Variants in CSMD1 observed in about 807,000 individuals in gnomAD.
CSMD1 encodes the protein CUB and sushi domain-containing protein 1.
Under a neutral mutation model 417.5 loss-of-function variants are expected in CSMD1, and 213 were observed. That is an observed-to-expected ratio of 0.51 (90% CI 0.46 to 0.57). The LOEUF (loss-of-function observed/expected upper bound fraction) is 0.57, where lower values mean the gene tolerates loss of function less well. Among genes scored for constraint, CSMD1 ranks in the 20% least tolerant of loss-of-function variants. The pLI, the probability that CSMD1 is intolerant of heterozygous loss-of-function variation, is 0.00. For synonymous variants in CSMD1, 2,862 were observed against 1,736.8 expected (o/e 1.65, Z -16.11); for missense variants, 6,923 against 4,529.7 (o/e 1.53, Z -15.17).
intron 2 of CSMD1, among the ~76,000 whole-genome samples, chr8:4,465,385 G>C (rs1159646739): frequency 6.6e-6 from 1 of 152,126 alleles, no homozygotes; most frequent in Non-Finnish European, 1.5e-5. Context: ...AGAAAACATG[G>C]TTTGAAAGTC....
At chr8:3,581,760 A>G (rs957291296) in intron 9 of CSMD1, among the ~76,000 whole-genome samples, 2 of 152,210 alleles carry the variant, frequency 1.3e-5, no homozygotes, top group Non-Finnish European at 2.9e-5. Flanking sequence ...TTTAGAGGCT[A>G]AGAATGAATC....
intron 26 of CSMD1, among the ~76,000 whole-genome samples, chr8:3,276,090 T>G (rs1802267640): frequency 2.0e-5 from 3 of 152,166 alleles, no homozygotes; most frequent in Admixed American, 6.5e-5. Flanking sequence ...ATGCTGTTGA[T>G]GTACAGATGG....
At chr8:3,109,157 C>T (rs1198497888) in intron 43 of CSMD1, among the ~76,000 whole-genome samples, 4 of 152,164 alleles carry the variant, frequency 2.6e-5, no homozygotes, top group African/African-American at 7.2e-5. Flanking sequence ...CCCAGCTACT[C>T]GGCAGGCTAA....
intron 7 of CSMD1, among the ~76,000 whole-genome samples, chr8:3,621,516 A>G (rs1216408017): frequency 6.6e-6 from 1 of 152,134 alleles, no homozygotes; most frequent in African/African-American, 2.4e-5. Context: ...TACAGAGATG[A>G]ATAGTGGTGA....
At chr8:2,961,257 G>A in intron 61 of CSMD1, 43 bp from the exon 62 acceptor site, 1 of 1,262,596 alleles carries the variant, frequency 7.9e-7, no homozygotes, top group Non-Finnish European at 1.1e-6. Context: ...ACCAGATATA[G>A]TTATTGTGAG....
intron 4 of CSMD1, among the ~76,000 whole-genome samples, chr8:4,002,238 CGTGT>C (rs1414853901): frequency 2.0e-5 from 3 of 151,656 alleles, no homozygotes; most frequent in Non-Finnish European, 4.4e-5. Flanking sequence ...CATGTGTGTG[CGTGT>C]GTTTGTGTGT....
intron 1 of CSMD1, among the ~76,000 whole-genome samples, chr8:4,642,048 G>T (rs1314077076): frequency 6.6e-6 from 1 of 152,198 alleles, no homozygotes; most frequent in Non-Finnish European, 1.5e-5. Flanking sequence ...GAACCAGTAA[G>T]AACTGACCTA....
chr8:4,901,555 AG>A (rs1214407855), intron 1 of CSMD1, among the ~76,000 whole-genome samples: 2 of 151,934 alleles, frequency 1.3e-5, no homozygotes, highest in East Asian at 4.0e-4. Context: ...CCACCAAAAA[AG>A]TGAAAGAAAA....
chr8:4,505,627 T>C (rs1251156589), intron 2 of CSMD1, among the ~76,000 whole-genome samples: 1 of 152,148 alleles, frequency 6.6e-6, no homozygotes, highest in East Asian at 1.9e-4. Context: ...TTTCTTTCTT[T>C]CTAACATGAC....
chr8:3,935,721 C>A (rs1470385857), intron 5 of CSMD1, among the ~76,000 whole-genome samples: 1 of 152,132 alleles, frequency 6.6e-6, no homozygotes, highest in Non-Finnish European at 1.5e-5. Flanking sequence ...CATCTCTCTA[C>A]CTCCTTCATT....
intron 49 of CSMD1, among the ~76,000 whole-genome samples, chr8:3,063,114 A>G (rs141741122): frequency 0.015 from 2,213 of 152,256 alleles, 20 homozygotes; most frequent in East Asian, 0.038. Context: ...TATCATAAAA[A>G]CTTACAGAAG....
chr8:3,144,162 G>A (rs78960776), intron 40 of CSMD1, among the ~76,000 whole-genome samples: 5,035 of 152,190 alleles, frequency 0.033, 284 homozygotes, highest in African/African-American at 0.11. Flanking sequence ...TAATTTACAG[G>A]CGAGCAAACT....
In CSMD1 at chr8:3,110,283, G is replaced by A. The variant is rs775709879; in HGVS notation, c.6483C>T (p.Gly2161=). The part of the protein sequence containing the change: ...TSQNGTIYSP[G]FPDEYPILKD... ...TCAGGATCGGATACTCATCAGGAAA[G>A]CCAGGGGAGTAGATGGTGCCGTTCT... is the stretch of plus-strand genomic sequence containing the variant. Residue 2161 remains glycine, a synonymous_variant, in exon 43 of 70, where the codon GGC becomes GGT. Transcript: ENST00000635120. The A allele has an allele frequency of 6.2e-7, 1 of 1,613,542 alleles. No individual in the cohort carries two copies. Among genetic ancestry groups the A allele is most frequent in the East Asian group, 2.2e-5 (1 of 44,864 alleles).
At chr8:4,277,271 G>C (rs60679258) in intron 3 of CSMD1, among the ~76,000 whole-genome samples, 3,369 of 151,782 alleles carry the variant, frequency 0.022, 138 homozygotes, top group African/African-American at 0.077. Context: ...TATGAAGTTG[G>C]GTTGTATTCT....
At chr8:3,907,259 G>A (rs773367674) in intron 5 of CSMD1, among the ~76,000 whole-genome samples, 40 of 152,244 alleles carry the variant, frequency 2.6e-4, no homozygotes, top group Non-Finnish European at 4.7e-4. Context: ...CAATTTGATC[G>A]TAAGTCTTTA....
chr8:4,047,524 C>A (rs972746887), intron 3 of CSMD1, among the ~76,000 whole-genome samples: 1 of 151,608 alleles, frequency 6.6e-6, no homozygotes, highest in Admixed American at 6.6e-5. Flanking sequence ...ATATGTCATT[C>A]ATTCATTCAT....
intron 5 of CSMD1, among the ~76,000 whole-genome samples, chr8:3,908,858 T>C (rs1284406424): frequency 6.6e-6 from 1 of 152,202 alleles, no homozygotes; most frequent in East Asian, 1.9e-4. Context: ...TCTCAAATGT[T>C]ACTGTGAGGT....
chr8:4,465,149 A>G (rs998665829), intron 2 of CSMD1, among the ~76,000 whole-genome samples: 5 of 152,186 alleles, frequency 3.3e-5, no homozygotes, highest in East Asian at 1.9e-4. Flanking sequence ...TATTACCCCC[A>G]AACTATGTCA....
intron 5 of CSMD1, among the ~76,000 whole-genome samples, chr8:3,960,234 C>T (rs879280633): frequency 3.9e-5 from 6 of 152,112 alleles, no homozygotes; most frequent in Non-Finnish European, 7.4e-5. Context: ...AATTTTATTT[C>T]CTCTCCTCAC....
Sources: allele counts gnomAD v4.1 joint callset (sites outside exome capture counted in the v4.1 genomes callset), GRCh38; gene constraint gnomAD v4.1.1; transcripts MANE v1.5; gene names NCBI Gene and HGNC (gene_info 2026-07-23, HGNC 2026-07-21).